The following ZBED4 variants were observed in gnomAD, a reference collection of about 807,000 sequenced individuals.
ZBED4 encodes the protein zinc finger BED-type containing 4, also known as zinc finger BED domain-containing protein 4.
A neutral mutation model predicts 15.5 loss-of-function variants in ZBED4; 4 were observed. The observed-to-expected ratio is 0.26, with a 90% CI of 0.13 to 0.59. ZBED4 has a LOEUF of 0.59. Among genes scored for constraint, ZBED4 ranks in the 20% least tolerant of loss-of-function variants. ZBED4 has a pLI of 0.90. For missense variants in ZBED4, 1,323 were observed against 1,461.8 expected (o/e 0.91, Z 1.55); for synonymous variants, 692 against 608.5 (o/e 1.14, Z -2.02).
At chr22:49,882,604 C>T (rs2060415024) in intron 1 of ZBED4, among the ~76,000 whole-genome samples, 1 of 152,216 alleles carries the variant, frequency 6.6e-6, no homozygotes, top group Admixed American at 6.5e-5. Context: ...CAGCTCCTGC[C>T]CCTGTTCTCC....
chr22:49,870,950 T>G (rs2060344121), intron 1 of ZBED4, among the ~76,000 whole-genome samples: 1 of 151,450 alleles, frequency 6.6e-6, no homozygotes, highest in African/African-American at 2.4e-5. Context: ...TAGATTTTTT[T>G]TTTTTTTTGA....
At chr22:49,861,889 G>A (rs1235327292) in intron 1 of ZBED4, among the ~76,000 whole-genome samples, 3 of 152,186 alleles carry the variant, frequency 2.0e-5, no homozygotes, top group African/African-American at 4.8e-5. Flanking sequence ...AGGTCTGTTC[G>A]TAGCGTGTGG....
chr22:49,884,092 A>G lies in ZBED4; in HGVS notation c.430A>G (p.Ser144Gly). ...AICMYCVKEF[S>G]RGKNEKDLST... ...ATGCATGTACTGTGTGAAGGAGTTC[A>G]GCAGAGGCAAAAACGAGAAAGACTT... Residue 144 changes from serine to glycine, a missense_variant, in exon 2 of 2, where the codon AGC becomes GGC. This residue lies in a region of ZBED4 where 380 missense variants were observed against 413.7 expected (regional missense o/e 0.92). Transcript: ENST00000216268. 1 of 1,613,012 alleles carries G rather than the reference A, an allele frequency of 6.2e-7. No homozygotes were observed. Among genetic ancestry groups the G allele is most frequent in the Non-Finnish European group, 8.5e-7 (1 of 1,179,532 alleles).
At chr22:49,877,243 C>CA (rs2060381120) in intron 1 of ZBED4, among the ~76,000 whole-genome samples, 1 of 144,578 alleles carries the variant, frequency 6.9e-6, no homozygotes, top group South Asian at 2.2e-4. Context: ...CTGTCTGTCT[C>CA]AAAAAAACAG....
In ZBED4 at chr22:49,862,272, CTGT is replaced by C. The variant is rs1434996667; in HGVS notation, c.-330+8284_-330+8286del. 6.4e-4 allele frequency among the ~76,000 whole-genome samples: 97 copies of C among 151,958 alleles called. 1 individual carries two copies. Among genetic ancestry groups the C allele is most frequent in the African/African-American group, 2.3e-3 (95 of 41,238 alleles). On this transcript the variant is annotated intron_variant, in intron 1 of 1. Coordinates refer to ENST00000216268, the MANE Select transcript of ZBED4 (RefSeq NM_014838.3). ...CAAAGTCGCTTGGAAGGTGGTTTCT[CTGT>C]CTTTCTTATTTTTTGTGCGGCGGAG...
intron 1 of ZBED4, among the ~76,000 whole-genome samples, chr22:49,864,186 C>T (rs1300731839): frequency 1.3e-5 from 2 of 152,210 alleles, no homozygotes; most frequent in East Asian, 1.9e-4. Flanking sequence ...AGGGCGTTCA[C>T]ATGGGTGTGC....
intron 1 of ZBED4, among the ~76,000 whole-genome samples, chr22:49,865,652 G>A (rs894072287): frequency 1.3e-5 from 2 of 152,040 alleles, no homozygotes; most frequent in Admixed American, 1.3e-4. Context: ...TCCAGTCTGG[G>A]CGACAGAGTG....
chr22:49,875,607 T>G (rs5769763), intron 1 of ZBED4, among the ~76,000 whole-genome samples: 97,594 of 151,604 alleles, frequency 0.64, 35,572 homozygotes, highest in East Asian at 0.85. Flanking sequence ...TTTTAGTAGA[T>G]ACAGGGTTTC....
chr22:49,884,725 C>T lies in ZBED4; in HGVS notation c.1063C>T (p.Pro355Ser). The change falls in exon 2 of 2, where the codon CCT becomes TCT. Residue 355 changes from proline to serine, a missense_variant. Around this residue, in one of 6 missense-constraint regions of ZBED4, gnomAD observed 429 missense variants for 397.9 expected, o/e 1.08. Coordinates refer to ENST00000216268, the MANE Select transcript of ZBED4 (RefSeq NM_014838.3). ...GGGCATCCCGCCACTGTACTCCACC[C>T]CTCCCACTCTGCTGCCTTCCTTGCT... ...GTGIPPLYST[P>S]PTLLPSLLPP... is the part of the protein sequence containing the mutation. The T allele has an allele frequency of 6.3e-7, 1 of 1,594,034 alleles. No individual in the cohort carries two copies. Among genetic ancestry groups the T allele is most frequent in the South Asian group, 1.1e-5 (1 of 88,084 alleles).
intron 1 of ZBED4, among the ~76,000 whole-genome samples, chr22:49,872,402 A>G (rs2060352645): frequency 6.6e-6 from 1 of 152,046 alleles, no homozygotes. Context: ...TTTCCACCAA[A>G]TCTGCAGTCA....
chr22:49,863,588 C>T (rs1229539126), intron 1 of ZBED4, among the ~76,000 whole-genome samples: 1 of 151,390 alleles, frequency 6.6e-6, no homozygotes, highest in Admixed American at 6.6e-5. Flanking sequence ...GATCGCGCCA[C>T]CGCACTCCAG....
intron 1 of ZBED4, among the ~76,000 whole-genome samples, chr22:49,854,995 AT>A (rs576270785): frequency 0.015 from 2,283 of 151,646 alleles, 54 homozygotes; most frequent in African/African-American, 0.052. Flanking sequence ...TTTGGTTGGG[AT>A]TTTTTTTTAA....
At chr22:49,880,795 C>A (rs1189836747) in intron 1 of ZBED4, among the ~76,000 whole-genome samples, 1 of 152,164 alleles carries the variant, frequency 6.6e-6, no homozygotes, top group Non-Finnish European at 1.5e-5. Flanking sequence ...TGACTGGGAT[C>A]ATATTGAATT....
Position 49,886,592 on chromosome 22 carries a change from G to A in ZBED4, c.2930G>A (p.Gly977Asp). The change falls in exon 2 of 2, where the codon GGC becomes GAC. Residue 977 changes from glycine (G) to aspartate (D), a missense_variant. Around this residue, in one of 6 missense-constraint regions of ZBED4, gnomAD observed 312 missense variants for 410.7 expected, o/e 0.76. Coordinates refer to ENST00000216268, the MANE Select transcript of ZBED4 (RefSeq NM_014838.3). This position sits in a 1 kb window ranked among gnomAD's most constrained non-coding sequence, Gnocchi z 7.7. ...GAGATGCTCTTCGAGGAGACGATGG[G>A]CATCGACACCATGCTGCGCTCTCTG... ...KVEMLFEETM[G>D]IDTMLRSLKE... is the part of the protein sequence containing the mutation. 1 of 1,558,596 alleles carries A rather than the reference G, an allele frequency of 6.4e-7. No homozygotes were observed. The highest frequency in any genetic ancestry group is 8.7e-7 in the Non-Finnish European group (1 of 1,151,234).
chr22:49,872,270 T>C (rs1175307531), intron 1 of ZBED4, among the ~76,000 whole-genome samples: 1 of 152,228 alleles, frequency 6.6e-6, no homozygotes, highest in Non-Finnish European at 1.5e-5. Context: ...AGATTCCATC[T>C]CAACAAACTA....
At chr22:49,853,622 G>C (rs1219499805), upstream of ZBED4, among the ~76,000 whole-genome samples, 1 of 152,060 alleles carries the variant, frequency 6.6e-6, no homozygotes, top group Non-Finnish European at 1.5e-5. Context: ...TGCGTAGTTT[G>C]CCCTCCTGGA....
chr22:49,869,606 T>C (rs766419776), intron 1 of ZBED4, among the ~76,000 whole-genome samples: 1 of 152,224 alleles, frequency 6.6e-6, no homozygotes, highest in Non-Finnish European at 1.5e-5. Context: ...CTGATTTACA[T>C]TGTTTCTCTT....
rs2060427769 is a variant in ZBED4, at chr22:49,884,740, C to T, written c.1078C>T (p.Pro360Ser). 1 of 1,593,470 alleles carries T rather than the reference C, an allele frequency of 6.3e-7. No homozygotes were observed. Among genetic ancestry groups the T allele is most frequent in the Admixed American group, 1.7e-5 (1 of 58,382 alleles). ...PLYSTPPTLL[P>S]SLLPPEGELS... ...GTACTCCACCCCTCCCACTCTGCTG[C>T]CTTCCTTGCTGCCGCCGGAGGGGGA... The change falls in exon 2 of 2, where the codon CCT becomes TCT. Residue 360 changes from proline to serine, a missense_variant. Pro to Ser is a moderately conservative substitution (Grantham distance 74). Coordinates refer to ENST00000216268, the MANE Select transcript of ZBED4 (RefSeq NM_014838.3).
Position 49,885,003 on chromosome 22 carries a change from C to G in ZBED4, c.1341C>G (p.Phe447Leu). 1.2e-6 allele frequency: 2 copies of G among 1,613,344 alleles called. No individual in the cohort carries two copies. The highest frequency in any genetic ancestry group is 1.7e-6 in the Non-Finnish European group (2 of 1,179,546). Residue 447 changes from phenylalanine to leucine, a missense_variant, in exon 2 of 2, where the codon TTC becomes TTG. By Grantham distance (22) the Phe-to-Leu change is conservative (BLOSUM62 0). This residue lies in a region of ZBED4 where 429 missense variants were observed against 397.9 expected (regional missense o/e 1.08). Transcript: ENST00000216268. ...GATTGTTTGAATCTGGCGCCATCTT[C>G]CAGCAGAATAAAAAGGTCATGAAAA... The part of the protein sequence containing the change: ...SPRLFESGAI[F>L]QQNKKVMKRL...
Sources: allele counts gnomAD v4.1 joint callset (sites outside exome capture counted in the v4.1 genomes callset), GRCh38; gene constraint gnomAD v4.1.1; regional missense constraint gnomAD v4.1.1; non-coding constraint Gnocchi (gnomAD v3.1); transcripts MANE v1.5; gene names NCBI Gene and HGNC (gene_info 2026-07-23, HGNC 2026-07-21).